Variants in B4GALT4 observed in about 807,000 individuals in gnomAD.
B4GALT4 encodes N-acetyllactosamine synthase.
Under a neutral mutation model 37.3 loss-of-function variants are expected in B4GALT4, and 27 were observed. The observed-to-expected ratio is 0.72, with a 90% confidence interval of 0.53 to 1.00. The LOEUF (loss-of-function observed/expected upper bound fraction) is 1.00. Among genes scored for constraint, B4GALT4 ranks in the 50% least tolerant of loss-of-function variants. The pLI is 0.00. For missense variants in B4GALT4, 372 were observed against 413.1 expected, an observed-to-expected ratio of 0.90 and a Z score of 0.86; for synonymous variants, 148 against 154.1, an observed-to-expected ratio of 0.96 and a Z score of 0.29.
At chr3:119,223,230 G>A (rs1018857972) in intron 5 of B4GALT4, among the ~76,000 whole-genome samples, 19 of 152,168 alleles carry the variant, frequency 1.2e-4, no homozygotes, top group South Asian at 4.1e-4. Context: ...GACACTCAAC[G>A]GGGAGCCCTG....
At chr3:119,240,806 A>T (rs1441603823) in intron 1 of B4GALT4, 44 bp downstream of exon 1, 1 of 152,330 alleles carries the variant, frequency 6.6e-6, no homozygotes, top group Non-Finnish European at 1.5e-5. Context: ...GCCCGTGTCC[A>T]GGGAACTGCA....
intron 5 of B4GALT4, among the ~76,000 whole-genome samples, chr3:119,220,323 G>A (rs1259552307): frequency 6.6e-6 from 1 of 152,210 alleles, no homozygotes; most frequent in African/African-American, 2.4e-5. Flanking sequence ...ATCAGGATGC[G>A]GTAATAAGGC....
chr3:119,218,525 T>C (rs1442478649), intron 6 of B4GALT4, 125 bp downstream of exon 6: 1 of 1,404,126 alleles, frequency 7.1e-7, no homozygotes, highest in Non-Finnish European at 9.7e-7. Context: ...CCTGCACCCT[T>C]CAAGCCCAAA....
At chr3:119,231,125 TCTCA>T (rs1403835413) in intron 2 of B4GALT4, among the ~76,000 whole-genome samples, 4 of 152,346 alleles carry the variant, frequency 2.6e-5, no homozygotes, top group African/African-American at 9.6e-5. Context: ...GTACTGTATT[TCTCA>T]CTGTCAGCTG....
Position 119,229,875 on chromosome 3 carries a change from G to A in B4GALT4, c.225C>T (p.Asp75=). 1.2e-6 allele frequency: 2 copies of A among 1,614,182 alleles called. No individual in the cohort carries two copies. The highest frequency in any genetic ancestry group is 1.7e-6 in the Non-Finnish European group (2 of 1,180,010). ...NEASTKKVEL[D]NCPSVSPYLR... is the part of the protein sequence containing the mutation. ...GGTAAGGAGACACAGAAGGGCAGTTGTCAAGTTCTACCTTCTTCGTGGATG... is the reference window on the plus strand; with the variant it reads ...GGTAAGGAGACACAGAAGGGCAGTTATCAAGTTCTACCTTCTTCGTGGATG... Residue 75 remains aspartate (D), a synonymous_variant, in exon 3 of 8, where the codon GAC becomes GAT. Transcript: ENST00000393765.
intron 2 of B4GALT4, among the ~76,000 whole-genome samples, chr3:119,234,115 A>C (rs562588685): frequency 6.7e-6 from 1 of 150,196 alleles, no homozygotes; most frequent in Non-Finnish European, 1.5e-5. Flanking sequence ...CCAGGACACA[A>C]GTTTTTTTTT....
chr3:119,230,139 C>A lies in B4GALT4; in HGVS notation c.-40G>T. 2 of 1,604,870 alleles carry A rather than the reference C, an allele frequency of 1.2e-6. No individual in the cohort carries two copies. The highest frequency in any genetic ancestry group is 1.7e-6 in the Non-Finnish European group (2 of 1,174,584). On this transcript the variant is annotated 5_prime_UTR_variant, in exon 3 of 8. Transcript: ENST00000393765. ...GAATAATATCTATCTCTCTGCTTCA[C>A]TGCAGGCAAGAAAGCTTCAAGTTGA...
At chr3:119,219,767 A>C (rs2078396497) in intron 5 of B4GALT4, among the ~76,000 whole-genome samples, 1 of 152,262 alleles carries the variant, frequency 6.6e-6, no homozygotes, top group African/African-American at 2.4e-5. Context: ...TCTTATTATC[A>C]GTGGACAAAT....
intron 5 of B4GALT4, among the ~76,000 whole-genome samples, chr3:119,220,331 G>A (rs1182189253): frequency 6.6e-6 from 1 of 152,244 alleles, no homozygotes; most frequent in Non-Finnish European, 1.5e-5. Context: ...GCGGTAATAA[G>A]GCAGGCATAA....
intron 5 of B4GALT4, among the ~76,000 whole-genome samples, chr3:119,221,699 G>A (rs927286269): frequency 1.3e-5 from 2 of 152,132 alleles, no homozygotes; most frequent in Non-Finnish European, 2.9e-5. Context: ...AAATTAAGAT[G>A]GGAAATACAT....
rs185386794 is a variant in B4GALT4, at chr3:119,231,690, T to C, written c.-145-1446A>G. Among the ~76,000 whole-genome samples, 110 of 148,444 alleles carry C rather than the reference T, an allele frequency of 7.4e-4. 1 individual carries two copies. The highest frequency in any genetic ancestry group is 1.8e-3 in the African/African-American group (72 of 41,018). ...GTGGTTTATTTTTTCTCTTTTCTTT[T>C]TAGAATTTTTAATAATATATTTTAT... On this transcript the variant is annotated intron_variant, in intron 2 of 7. Transcript: ENST00000393765.
Position 119,216,233 on chromosome 3 carries a change from G to A in B4GALT4, c.902+7C>T, listed in dbSNP as rs1161366318. The stretch of plus-strand genomic sequence containing the variant: ...TAGCCTGCTAGGCAGGTGAAGCCAG[G>A]ACTTACCGTTCTGCGTTCACCTCAT... On this transcript the variant is annotated splice_region_variant and intron_variant, in intron 7 of 7. Coordinates refer to ENST00000393765, the MANE Select transcript of B4GALT4 (RefSeq NM_003778.4). The A allele has an allele frequency of 6.2e-7, 1 of 1,605,690 alleles. No homozygotes were observed. Among genetic ancestry groups the A allele is most frequent in the Non-Finnish European group, 8.5e-7 (1 of 1,174,576 alleles).
At chr3:119,237,970 T>A (rs912293135) in intron 1 of B4GALT4, among the ~76,000 whole-genome samples, 66 of 152,128 alleles carry the variant, frequency 4.3e-4, no homozygotes, top group Admixed American at 9.8e-4. Flanking sequence ...GATATAACAA[T>A]GTATATGAAA....
At chr3:119,224,682 AAAGTT>A (rs1273877533) in intron 4 of B4GALT4, among the ~76,000 whole-genome samples, 3 of 152,254 alleles carry the variant, frequency 2.0e-5, no homozygotes, top group African/African-American at 7.2e-5. Flanking sequence ...AAAGTTAAAA[AAAGTT>A]AAGATGGTAA....
At position 119,211,997 on chromosome 3, in the gene B4GALT4, C is replaced by CTACCTCTTCA; in HGVS notation, c.*542_*551dup. ...TTGCAGCCGACACTCCACCCTCCTGCTACCTCTTCATTCCCAAGTTCACTG... is the reference window on the plus strand; with the variant it reads ...TTGCAGCCGACACTCCACCCTCCTGCTACCTCTTCATACCTCTTCATTCCCAAGTTCACTG... On this transcript the variant is annotated 3_prime_UTR_variant, in exon 8 of 8. Coordinates refer to ENST00000393765, the MANE Select transcript of B4GALT4 (RefSeq NM_003778.4). The CTACCTCTTCA allele has an allele frequency of 1.7e-6, 1 of 601,620 alleles. No homozygotes were observed. The highest frequency in any genetic ancestry group is 2.8e-5 in the East Asian group (1 of 36,188). The allele number at this position is 601,620 out of a possible 1,614,324, so 37.3% of individuals were successfully genotyped here. A position where few individuals can be genotyped will look rare whatever the true frequency, so the allele number is the denominator to read the frequency against.
At position 119,230,205 on chromosome 3, in the gene B4GALT4, T is replaced by C. The variant is rs2078763229; in HGVS notation, c.-106A>G. On this transcript the variant is annotated 5_prime_UTR_variant, in exon 3 of 8. Transcript: ENST00000393765. Reference sequence around the variant, plus strand: ...TTGCGAACTTGATGACAACTGAAGATACAATGCCTGGTTTTTCTCAGTAGT... The same window carrying C: ...TTGCGAACTTGATGACAACTGAAGACACAATGCCTGGTTTTTCTCAGTAGT... 1 of 1,413,758 alleles carries C rather than the reference T, an allele frequency of 7.1e-7. No individual in the cohort carries two copies. The highest frequency in any genetic ancestry group is 9.7e-7 in the Non-Finnish European group (1 of 1,034,428). 87.6% of individuals were successfully genotyped at this position (1,413,758 alleles called of 1,614,324 possible).
At chr3:119,228,845 G>A (rs1445596377) in intron 3 of B4GALT4, among the ~76,000 whole-genome samples, 1 of 137,652 alleles carries the variant, frequency 7.3e-6, no homozygotes. Context: ...CAAGAGGCAT[G>A]AGATCTATCT....
intron 4 of B4GALT4, among the ~76,000 whole-genome samples, chr3:119,225,118 G>A (rs902957777): frequency 2.6e-5 from 4 of 152,212 alleles, no homozygotes; most frequent in Non-Finnish European, 4.4e-5. Context: ...CCCTGTAAGA[G>A]AATCCTGTTA....
At chr3:119,220,265 A>G (rs1305143133) in intron 5 of B4GALT4, among the ~76,000 whole-genome samples, 1 of 152,236 alleles carries the variant, frequency 6.6e-6, no homozygotes, top group African/African-American at 2.4e-5. Flanking sequence ...ATCAGAATGC[A>G]TTTTATAGAG....
Sources: gnomAD v4.1 joint callset for allele counts (sites outside exome capture counted in the v4.1 genomes callset) on GRCh38, gnomAD v4.1.1 for gene constraint, MANE v1.5 for transcripts, NCBI Gene and HGNC (gene_info 2026-07-23, HGNC 2026-07-21) for gene names.